Variants in ESRRG observed in about 807,000 individuals in gnomAD.
ESRRG encodes estrogen-related receptor gamma.
ESRRG carries 13 observed loss-of-function variants against 44.0 expected under a neutral mutation model. The ratio of observed to expected loss-of-function variants is 0.30; its 90% CI spans 0.19 to 0.47. The LOEUF (loss-of-function observed/expected upper bound fraction) is 0.47. ESRRG is among the 20% of genes least tolerant of loss of function. The probability of loss-of-function intolerance (pLI) is 1.00; values close to 1 mark genes in which losing one functional copy is unlikely to be tolerated. For missense variants in ESRRG, 395 were observed against 580.6 expected (o/e 0.68, Z 3.29); for synonymous variants, 215 against 214.6 (o/e 1.00, Z -0.02).
At chr1:216,900,585 C>T (rs933127604) in intron 2 of ESRRG, among the ~76,000 whole-genome samples, 1 of 152,154 alleles carries the variant, frequency 6.6e-6, no homozygotes, top group Non-Finnish European at 1.5e-5. Context: ...AAATTTAATC[C>T]TAAGCTATGT....
chr1:216,533,289 T>C (rs1405547181), intron 5 of ESRRG, among the ~76,000 whole-genome samples: 1 of 150,836 alleles, frequency 6.6e-6, no homozygotes, highest in African/African-American at 2.5e-5. Context: ...AAAAGGTATA[T>C]ATTAGATGTG....
chr1:217,080,209 G>A (rs536764434), intron 1 of ESRRG, among the ~76,000 whole-genome samples: 2 of 152,292 alleles, frequency 1.3e-5, no homozygotes, highest in African/African-American at 2.4e-5. Flanking sequence ...CTTAAAGAGA[G>A]GTACTATATG....
In ESRRG at chr1:216,944,816, T is replaced by C. The variant is rs11572481; in HGVS notation, c.-105-5143A>G. Among the ~76,000 whole-genome samples, 803 of 152,166 alleles carry C rather than the reference T, an allele frequency of 5.3e-3. 7 individuals carry two copies. Among genetic ancestry groups the C allele is most frequent in the African/African-American group, 0.019 (791 of 41,526 alleles). The stretch of plus-strand genomic sequence containing the variant: ...AGAGTGAGGTAAAATGGAGATGCTT[T>C]TCTCTCTCTGGGGGAATAACAGAGA... On this transcript the variant is annotated intron_variant, in intron 1 of 7. Transcript: ENST00000359162.
At chr1:217,003,136 A>G (rs2077264328) in intron 1 of ESRRG, among the ~76,000 whole-genome samples, 1 of 152,194 alleles carries the variant, frequency 6.6e-6, no homozygotes, top group African/African-American at 2.4e-5. Context: ...ACAGCCAGAT[A>G]AAACTACATC....
At chr1:216,843,991 G>A (rs7548331) in intron 2 of ESRRG, among the ~76,000 whole-genome samples, 5,089 of 151,696 alleles carry the variant, frequency 0.034, 293 homozygotes, top group African/African-American at 0.11. Context: ...CTCATGCACT[G>A]TTTGGGTGCA....
intron 6 of ESRRG, among the ~76,000 whole-genome samples, chr1:216,509,029 A>G (rs1446752930): frequency 6.6e-6 from 1 of 152,160 alleles, no homozygotes; most frequent in African/African-American, 2.4e-5. Flanking sequence ...CCAAAAACAC[A>G]CCAGAATAAA....
At chr1:217,064,325 A>G (rs952185439) in intron 1 of ESRRG, among the ~76,000 whole-genome samples, 16 of 152,196 alleles carry the variant, frequency 1.1e-4, no homozygotes, top group African/African-American at 3.9e-4. Context: ...ATATAAGTAC[A>G]TATATGTATG....
chr1:217,090,419 C>G (rs762131888), upstream of ESRRG: 9 of 152,276 alleles, frequency 5.9e-5, no homozygotes, highest in Non-Finnish European at 1.2e-4. Flanking sequence ...AACCATTTTC[C>G]CTTCTACCCA....
chr1:216,561,122 A>C (rs554713471), intron 5 of ESRRG, among the ~76,000 whole-genome samples: 66 of 152,208 alleles, frequency 4.3e-4, no homozygotes, highest in African/African-American at 1.4e-3. Flanking sequence ...TAAGTCAACT[A>C]ATTCTATTTA....
At chr1:216,848,860 G>A (rs901926591) in intron 2 of ESRRG, among the ~76,000 whole-genome samples, 3 of 151,460 alleles carry the variant, frequency 2.0e-5, no homozygotes, top group African/African-American at 4.8e-5. Flanking sequence ...TAATACTAGC[G>A]CTGGATATGC....
At chr1:216,875,351 C>A (rs929481554) in intron 2 of ESRRG, among the ~76,000 whole-genome samples, 2 of 152,176 alleles carry the variant, frequency 1.3e-5, no homozygotes, top group African/African-American at 4.8e-5. Flanking sequence ...GTATCGCCAG[C>A]ACCCCAGAGT....
upstream of ESRRG, among the ~76,000 whole-genome samples, chr1:217,094,011 C>G (rs984154171): frequency 2.0e-5 from 3 of 151,906 alleles, no homozygotes; most frequent in Admixed American, 6.6e-5. Flanking sequence ...GACTCTGGAG[C>G]AGCTAGGACT....
chr1:216,537,305 TGAA>T (rs1331113481), intron 5 of ESRRG, among the ~76,000 whole-genome samples: 2 of 151,730 alleles, frequency 1.3e-5, no homozygotes, highest in Admixed American at 6.6e-5. Context: ...CACCAGACAC[TGAA>T]TGTGCCAGCA....
chr1:216,944,845 A>G (rs952205052), intron 1 of ESRRG, among the ~76,000 whole-genome samples: 4 of 152,114 alleles, frequency 2.6e-5, no homozygotes, highest in African/African-American at 4.8e-5. Context: ...ACAGAGATCA[A>G]CTCACAGTAT....
chr1:216,986,106 G>A (rs867410), intron 1 of ESRRG, among the ~76,000 whole-genome samples: 29,293 of 151,926 alleles, frequency 0.19, 3,193 homozygotes, highest in Admixed American at 0.3. Context: ...TTTAACCACA[G>A]TTGATCTCTG....
At chr1:216,654,600 G>T (rs1422791790) in intron 2 of ESRRG, among the ~76,000 whole-genome samples, 11 of 148,272 alleles carry the variant, frequency 7.4e-5, no homozygotes, top group Non-Finnish European at 1.3e-4. Context: ...TTGCACTCCA[G>T]CCTGGGCAAT....
intron 1 of ESRRG, among the ~76,000 whole-genome samples, chr1:217,005,237 A>C (rs1377341130): frequency 6.6e-6 from 1 of 152,196 alleles, no homozygotes; most frequent in Non-Finnish European, 1.5e-5. Flanking sequence ...AAATGAGAAG[A>C]ACTATTCAGG....
intron 1 of ESRRG, among the ~76,000 whole-genome samples, chr1:217,106,261 C>A (rs576594106): frequency 6.6e-6 from 1 of 151,976 alleles, no homozygotes; most frequent in Non-Finnish European, 1.5e-5. Context: ...GAGAAAAGAG[C>A]GGCATCTCTG....
chr1:216,796,549 T>C (rs541650645), intron 2 of ESRRG, among the ~76,000 whole-genome samples: 1 of 152,318 alleles, frequency 6.6e-6, no homozygotes, highest in South Asian at 2.1e-4. Flanking sequence ...TTGAGCGGCT[T>C]CTTCTCTGTT....
Sources: gnomAD v4.1 joint callset for allele counts (sites outside exome capture counted in the v4.1 genomes callset) on GRCh38, gnomAD v4.1.1 for gene constraint, MANE v1.5 for transcripts, NCBI Gene and HGNC (gene_info 2026-07-23, HGNC 2026-07-21) for gene names.